SSTR2: variants seen among roughly 807,000 people sequenced by gnomAD.
SSTR2 encodes the protein somatostatin receptor 2.
A neutral mutation model predicts 21.4 loss-of-function variants in SSTR2; 10 were observed. The observed-to-expected ratio is 0.47, with a 90% confidence interval of 0.29 to 0.79. SSTR2 has a LOEUF of 0.79. Ranked by LOEUF, SSTR2 falls within the 30% of genes least tolerant of loss-of-function variation. SSTR2 has a pLI of 0.10. For missense variants in SSTR2, 364 were observed against 468.8 expected (o/e 0.78, Z 2.06); for synonymous variants, 177 against 181.3 (o/e 0.98, Z 0.19).
Position 73,169,246 on chromosome 17 carries a change from G to A in SSTR2, c.-74G>A. ...CTTCCAGATGTCACACTGGATCCTT[G>A]GCCTCCAGGGTCCATTAAGGTGAGA... On this transcript the variant is annotated 5_prime_UTR_variant, in exon 2 of 2. Coordinates refer to ENST00000357585, the MANE Select transcript of SSTR2 (RefSeq NM_001050.3). The surrounding 1 kb of genome is among the most constrained non-coding windows in gnomAD (Gnocchi z 5.2). 6.7e-7 allele frequency: 1 copy of A among 1,495,924 alleles called. No individual in the cohort carries two copies. The highest frequency in any genetic ancestry group is 8.9e-7 in the Non-Finnish European group (1 of 1,119,450). 92.7% of individuals were successfully genotyped at this position (1,495,924 alleles called of 1,614,324 possible).
At position 73,171,832 on chromosome 17, in the gene SSTR2, A is replaced by G. The variant is rs1599310458; in HGVS notation, c.*1403A>G. On this transcript the variant is annotated 3_prime_UTR_variant, in exon 2 of 2. Transcript: ENST00000357585. ...GCTGCTCGGGAGGCTGAGGCAGGAG[A>G]ATCACTTGAACTTGGGAGGTGGAGG... 1 of 146,808 alleles carries G rather than the reference A, an allele frequency of 6.8e-6. No homozygotes were observed. The highest frequency in any genetic ancestry group is 2.2e-4 in the East Asian group (1 of 4,634). The allele number at this position is 146,808 out of a possible 1,614,324, so 9.1% of individuals were successfully genotyped here. A position where few individuals can be genotyped will look rare whatever the true frequency, so the allele number is the denominator to read the frequency against.
In SSTR2 at chr17:73,172,633, A is replaced by C. The variant is rs2061238843; in HGVS notation, c.*2204A>C. The C allele has an allele frequency of 6.6e-6, 1 of 152,254 alleles. No homozygotes were observed. The highest frequency in any genetic ancestry group is 1.5e-5 in the Non-Finnish European group (1 of 68,040). 9.4% of individuals were successfully genotyped at this position (152,254 alleles called of 1,614,324 possible). A position where few individuals can be genotyped will look rare whatever the true frequency, so the allele number is the denominator to read the frequency against. ...AGTTATAAAACAAGACTACAGAAAA[A>C]GTTGTGGCAGAAATTGCATGCAGGA... On this transcript the variant is annotated 3_prime_UTR_variant, in exon 2 of 2. Coordinates refer to ENST00000357585, the MANE Select transcript of SSTR2 (RefSeq NM_001050.3).
chr17:73,169,886 G>A lies in SSTR2; in HGVS notation c.567G>A (p.Gly189=), dbSNP rs781542962. 6.2e-7 allele frequency: 1 copy of A among 1,611,650 alleles called. No homozygotes were observed. The highest frequency in any genetic ancestry group is 1.7e-5 in the Admixed American group (1 of 59,988). The change falls in exon 2 of 2, where the codon GGG becomes GGA. Residue 189 remains glycine (G), a synonymous_variant. Transcript: ENST00000357585. The surrounding 1 kb of genome is among the most constrained non-coding windows in gnomAD (Gnocchi z 5.2). ...CTGGGCTCCGGAGCAACCAGTGGGG[G>A]AGAAGCAGCTGCACCATCAACTGGC... ...IYAGLRSNQW[G]RSSCTINWPG... is the part of the protein sequence containing the mutation.
In SSTR2 at chr17:73,170,337, C is replaced by A. The variant is rs139033946; in HGVS notation, c.1018C>A (p.Arg340=). The part of the protein sequence containing the change: ...VKVSGTDDGE[R]SDSKQDKSRL... ...GGTGAGCGGCACAGATGATGGGGAGCGGAGTGACAGTAAGCAGGACAAATC... is the reference window on the plus strand; with the variant it reads ...GGTGAGCGGCACAGATGATGGGGAGAGGAGTGACAGTAAGCAGGACAAATC... Residue 340 remains arginine, a synonymous_variant, in exon 2 of 2, where the codon CGG becomes AGG. Coordinates refer to ENST00000357585, the MANE Select transcript of SSTR2 (RefSeq NM_001050.3). 1 of 1,613,918 alleles carries A rather than the reference C, an allele frequency of 6.2e-7. No individual in the cohort carries two copies. Among genetic ancestry groups the A allele is most frequent in the Non-Finnish European group, 8.5e-7 (1 of 1,180,006 alleles).
rs1167480438 is a variant in SSTR2 at position 73,170,724 on chromosome 17, A to G, written c.*295A>G. The G allele has an allele frequency of 1.1e-5, 6 of 569,470 alleles. No homozygotes were observed. The highest frequency in any genetic ancestry group is 1.9e-5 in the African/African-American group (1 of 52,992). The allele number at this position is 569,470 out of a possible 1,614,324, so 35.3% of individuals were successfully genotyped here. On this transcript the variant is annotated 3_prime_UTR_variant, in exon 2 of 2. Transcript: ENST00000357585. ...ATCTTTAGAAACAACAAAAATAGAAAAAAATAAGTATCTGTGTGTTTGTGT... is the reference window on the plus strand; with the variant it reads ...ATCTTTAGAAACAACAAAAATAGAAGAAAATAAGTATCTGTGTGTTTGTGT...
rs61493168 is a variant in SSTR2 at position 73,171,921 on chromosome 17, C to CAAAAAAAAAAAAAAAAAA, written c.*1511_*1528dup. 1.1e-4 allele frequency: 2 copies of CAAAAAAAAAAAAAAAAAA among 17,968 alleles called. No individual in the cohort carries two copies. Among genetic ancestry groups the CAAAAAAAAAAAAAAAAAA allele is most frequent in the African/African-American group, 2.0e-4 (1 of 4,932 alleles). The allele number at this position is 17,968 out of a possible 1,614,324, so 1.1% of individuals were successfully genotyped here. On this transcript the variant is annotated 3_prime_UTR_variant, in exon 2 of 2. Coordinates refer to ENST00000357585, the MANE Select transcript of SSTR2 (RefSeq NM_001050.3). Reference sequence around the variant, plus strand: ...GAGCAACAAGAGCAAAACTCAGTCTCAAAAAAAAAAAAAAAAAAAAAAAAA... The same window carrying CAAAAAAAAAAAAAAAAAA: ...GAGCAACAAGAGCAAAACTCAGTCTCAAAAAAAAAAAAAAAAAAAAAAAAAAAAAAAAAAAAAAAAAAA...
intron 1 of SSTR2, among the ~76,000 whole-genome samples, chr17:73,167,079 C>T (rs1357942594): frequency 6.6e-6 from 1 of 152,192 alleles, no homozygotes; most frequent in Non-Finnish European, 1.5e-5. Flanking sequence ...ACTCTGATTG[C>T]AGGCAGCTTG....
chr17:73,174,560 TA>T lies in SSTR2; in HGVS notation c.*4143del, dbSNP rs897275848. 537 of 140,064 alleles carry T rather than the reference TA, an allele frequency of 3.8e-3. No homozygotes were observed. Among genetic ancestry groups the T allele is most frequent in the East Asian group, 7.3e-3 (36 of 4,922 alleles). 8.7% of individuals were successfully genotyped at this position (140,064 alleles called of 1,614,324 possible). ...AGGCAATATGGTGAGACCCTGCCCT[TA>T]AAAAAAAAAAAGAAAAGAAAAGAAA... is the stretch of plus-strand genomic sequence containing the variant. On this transcript the variant is annotated 3_prime_UTR_variant, in exon 2 of 2. Coordinates refer to ENST00000357585, the MANE Select transcript of SSTR2 (RefSeq NM_001050.3).
At position 73,172,369 on chromosome 17, in the gene SSTR2, C is replaced by T. The variant is rs1227903334; in HGVS notation, c.*1940C>T. ...TTCATCTGAGAGCATCACTCAGCATCTCACACATAGATGTTACCATATTTT... is the reference window on the plus strand; with the variant it reads ...TTCATCTGAGAGCATCACTCAGCATTTCACACATAGATGTTACCATATTTT... On this transcript the variant is annotated 3_prime_UTR_variant, in exon 2 of 2. Transcript: ENST00000357585. The T allele has an allele frequency of 6.6e-6, 1 of 152,220 alleles. No homozygotes were observed. Among genetic ancestry groups the T allele is most frequent in the African/African-American group, 2.4e-5 (1 of 41,456 alleles). The allele number at this position is 152,220 out of a possible 1,614,324, so 9.4% of individuals were successfully genotyped here. A position where few individuals can be genotyped will look rare whatever the true frequency, so the allele number is the denominator to read the frequency against.
intron 1 of SSTR2, among the ~76,000 whole-genome samples, chr17:73,165,675 G>T (rs797022291): frequency 6.6e-6 from 1 of 151,946 alleles, no homozygotes; most frequent in South Asian, 2.1e-4. Flanking sequence ...GAGCGAGGCC[G>T]TGAGATGCCA....
chr17:73,170,179 C>T lies in SSTR2; in HGVS notation c.860C>T (p.Thr287Ile). Residue 287 changes from threonine (T) to isoleucine (I), a missense_variant, in exon 2 of 2, where the codon ACC becomes ATC. By Grantham distance (89) the Thr-to-Ile change is moderately conservative (BLOSUM62 -1). This residue lies in a region of SSTR2 where 193 missense variants were observed against 273.1 expected (regional missense o/e 0.71). Transcript: ENST00000357585. ...TCCGTCTCCATGGCCATCAGCCCCACCCCAGCCCTTAAAGGCATGTTTGAC... is the reference window on the plus strand; with the variant it reads ...TCCGTCTCCATGGCCATCAGCCCCATCCCAGCCCTTAAAGGCATGTTTGAC... The part of the protein sequence containing the change: ...VSSVSMAISP[T>I]PALKGMFDFV... 3 of 1,614,188 alleles carry T rather than the reference C, an allele frequency of 1.9e-6. No individual in the cohort carries two copies. Among genetic ancestry groups the T allele is most frequent in the Non-Finnish European group, 1.7e-6 (2 of 1,180,042 alleles).
rs200729640 is a variant in SSTR2, at chr17:73,169,425, C to T, written c.106C>T (p.Pro36Ser). Residue 36 changes from proline to serine, a missense_variant, in exon 2 of 2, where the codon CCG (proline) becomes TCG (serine). Pro to Ser is a moderately conservative substitution (Grantham distance 74). Transcript: ENST00000357585. This position sits in a 1 kb window ranked among gnomAD's most constrained non-coding sequence, Gnocchi z 5.2. ...AACCAACACCTCAAACCAGACAGAG[C>T]CGTACTATGACCTGACAAGCAATGC... ...VSTNTSNQTE[P>S]YYDLTSNAVL... 2 of 1,614,134 alleles carry T rather than the reference C, an allele frequency of 1.2e-6. No individual in the cohort carries two copies. Among genetic ancestry groups the T allele is most frequent in the Non-Finnish European group, 1.7e-6 (2 of 1,180,054 alleles).
At position 73,169,455 on chromosome 17, in the gene SSTR2, C is replaced by A; in HGVS notation, c.136C>A (p.Leu46Ile). 1 of 1,614,262 alleles carries A rather than the reference C, an allele frequency of 6.2e-7. No homozygotes were observed. Among genetic ancestry groups the A allele is most frequent in the Non-Finnish European group, 8.5e-7 (1 of 1,180,050 alleles). The change falls in exon 2 of 2, where the codon CTC (leucine) becomes ATC (isoleucine). Residue 46 changes from leucine (L) to isoleucine (I), a missense_variant. Physicochemically the swap from Leu to Ile is conservative, Grantham distance 5. Around this residue, in one of 4 missense-constraint regions of SSTR2, gnomAD observed 75 missense variants for 75.4 expected, o/e 0.99. Transcript: ENST00000357585. This position sits in a 1 kb window ranked among gnomAD's most constrained non-coding sequence, Gnocchi z 5.2. ...PYYDLTSNAV[L>I]TFIYFVVCII... is the part of the protein sequence containing the mutation. ...CTATGACCTGACAAGCAATGCAGTC[C>A]TCACATTCATCTATTTTGTGGTCTG...
chr17:73,168,508 A>AT (rs1218908489), intron 1 of SSTR2, among the ~76,000 whole-genome samples: 2 of 152,246 alleles, frequency 1.3e-5, no homozygotes, highest in African/African-American at 2.4e-5. Flanking sequence ...CCAGACTTTT[A>AT]TTTTTAATAC....
Position 73,170,490 on chromosome 17 carries a change from C to A in SSTR2, c.*61C>A. 6.3e-7 allele frequency: 1 copy of A among 1,578,978 alleles called. No individual in the cohort carries two copies. The highest frequency in any genetic ancestry group is 1.2e-5 in the South Asian group (1 of 85,854). On this transcript the variant is annotated 3_prime_UTR_variant, in exon 2 of 2. Coordinates refer to ENST00000357585, the MANE Select transcript of SSTR2 (RefSeq NM_001050.3). Reference sequence around the variant, plus strand: ...CTGTCTACTGGCAATGGGCTCCCTACCCACACTGGCTTCCTGCCTCCCACC... The same window carrying A: ...CTGTCTACTGGCAATGGGCTCCCTAACCACACTGGCTTCCTGCCTCCCACC...
rs759006407 is a variant in SSTR2, at chr17:73,170,352, C to A, written c.1033C>A (p.Gln345Lys). ...TDDGERSDSK[Q>K]DKSRLNETTE... Reference sequence around the variant, plus strand: ...TGATGGGGAGCGGAGTGACAGTAAGCAGGACAAATCCCGGCTGAATGAGAC... The same window carrying A: ...TGATGGGGAGCGGAGTGACAGTAAGAAGGACAAATCCCGGCTGAATGAGAC... The change falls in exon 2 of 2, where the codon CAG (glutamine) becomes AAG (lysine). Residue 345 changes from glutamine (Q) to lysine (K), a missense_variant. Physicochemically the swap from Gln to Lys is moderately conservative, Grantham distance 53. Coordinates refer to ENST00000357585, the MANE Select transcript of SSTR2 (RefSeq NM_001050.3). The A allele has an allele frequency of 6.2e-7, 1 of 1,614,032 alleles. No individual in the cohort carries two copies. Among genetic ancestry groups the A allele is most frequent in the South Asian group, 1.1e-5 (1 of 91,074 alleles).
At chr17:73,165,945 C>CCCCG (rs1555721649) in intron 1 of SSTR2, among the ~76,000 whole-genome samples, 4 of 151,368 alleles carry the variant, frequency 2.6e-5, no homozygotes, top group African/African-American at 4.9e-5. Context: ...CCTCAGCGCC[C>CCCCG]CCCCCCCACA....
intron 1 of SSTR2, among the ~76,000 whole-genome samples, chr17:73,168,365 C>T (rs1308202148): frequency 6.6e-6 from 1 of 152,202 alleles, no homozygotes; most frequent in Non-Finnish European, 1.5e-5. Flanking sequence ...AGTGTTACAG[C>T]ACTTGGGAGC....
rs529211161 is a variant in SSTR2, at chr17:73,176,572, C to T, written c.*6143C>T. On this transcript the variant is annotated 3_prime_UTR_variant, in exon 2 of 2. Transcript: ENST00000357585. ...CCCCTTCTGCCATGATTGTAAGTTT[C>T]CTGAGGCCTCCCCAGCCATGTTAAA... 1 of 152,376 alleles carries T rather than the reference C, an allele frequency of 6.6e-6. No individual in the cohort carries two copies. The highest frequency in any genetic ancestry group is 6.5e-5 in the Admixed American group (1 of 15,296). The allele number at this position is 152,376 out of a possible 1,614,324, so 9.4% of individuals were successfully genotyped here.
Sources: gnomAD v4.1 joint callset for allele counts (sites outside exome capture counted in the v4.1 genomes callset) on GRCh38, gnomAD v4.1.1 for gene constraint, gnomAD v4.1.1 regional missense constraint, Gnocchi (gnomAD v3.1) non-coding constraint, MANE v1.5 for transcripts, NCBI Gene and HGNC (gene_info 2026-07-23, HGNC 2026-07-21) for gene names.